Variants in FAT3 observed in about 807,000 individuals in gnomAD.
FAT3 encodes the protein FAT atypical cadherin 3, also known as protocadherin Fat 3.
In FAT3, 95 loss-of-function variants were observed where a neutral mutation model predicts 310.2. The ratio of observed to expected loss-of-function variants is 0.31; its 90% CI spans 0.26 to 0.36. The LOEUF (loss-of-function observed/expected upper bound fraction) is 0.36. FAT3 is among the 10% of genes least tolerant of loss of function. The probability of loss-of-function intolerance (pLI) is 1.00; values close to 1 mark genes in which losing one functional copy is unlikely to be tolerated. For synonymous variants in FAT3, 2,314 were observed against 2,192.9 expected (o/e 1.06, Z -1.54); for missense variants, 5,408 against 5,715.6 (o/e 0.95, Z 1.74).
At chr11:92,862,745 T>G (rs1949150967) in intron 21 of FAT3, among the ~76,000 whole-genome samples, 1 of 152,232 alleles carries the variant, frequency 6.6e-6, no homozygotes, top group African/African-American at 2.4e-5. Context: ...CTTAATTACA[T>G]TTTGTAGTAA....
At chr11:92,270,524 C>CAA (rs35629929) in intron 1 of FAT3, among the ~76,000 whole-genome samples, 5 of 136,012 alleles carry the variant, frequency 3.7e-5, no homozygotes, top group African/African-American at 8.0e-5. Context: ...AATAAAAATA[C>CAA]AAAAAAAAAA....
intron 2 of FAT3, among the ~76,000 whole-genome samples, chr11:92,522,373 G>A (rs973933081): frequency 1.3e-5 from 2 of 152,118 alleles, no homozygotes; most frequent in African/African-American, 4.8e-5. Context: ...AACCCTCAGA[G>A]CCCTCCTTCT....
In FAT3 at chr11:92,843,979, C is replaced by T. The variant is rs935630399; in HGVS notation, c.10612C>T (p.Arg3538Cys). ...CCAGCAAGTTTCTCACACTTACATC[C>T]GCGTGCGAGTCATTGAGGAAAGCAC... ...KPQQVSHTYI[R>C]VRVIEESTHK... Residue 3538 changes from arginine to cysteine, a missense_variant, in exon 19 of 28, where the codon CGC (arginine) becomes TGC (cysteine). By Grantham distance (180) the Arg-to-Cys change is radical. Coordinates refer to ENST00000525166, the MANE Select transcript of FAT3 (RefSeq NM_001367949.2). 1.2e-6 allele frequency: 2 copies of T among 1,612,986 alleles called. No individual in the cohort carries two copies. The highest frequency in any genetic ancestry group is 1.7e-6 in the Non-Finnish European group (2 of 1,179,298).
intron 6 of FAT3, among the ~76,000 whole-genome samples, chr11:92,765,521 C>T (rs1326942939): frequency 6.6e-6 from 1 of 151,746 alleles, no homozygotes; most frequent in Non-Finnish European, 1.5e-5. Context: ...CAAGCATGCT[C>T]GAGAGATGTT....
chr11:92,812,710 G>A (rs1947711873), intron 13 of FAT3, among the ~76,000 whole-genome samples: 1 of 152,118 alleles, frequency 6.6e-6, no homozygotes, highest in Non-Finnish European at 1.5e-5. Context: ...GCACTCAGAA[G>A]GCCCTGCAAT....
intron 22 of FAT3, among the ~76,000 whole-genome samples, chr11:92,870,867 C>T (rs1949369380): frequency 6.6e-6 from 1 of 152,308 alleles, no homozygotes; most frequent in East Asian, 1.9e-4. Context: ...CTTGAAAGTG[C>T]TTATGCCCTG....
chr11:92,866,871 G>T lies in FAT3; in HGVS notation c.11789G>T (p.Ser3930Ile). The T allele has an allele frequency of 1.2e-6, 2 of 1,613,994 alleles. No homozygotes were observed. The highest frequency in any genetic ancestry group is 1.7e-6 in the Non-Finnish European group (2 of 1,179,884). ...VFLELNRNFT[S>I]LSLDDSYVER... ...CTGGAGCTCAACCGCAATTTCACGA[G>T]CCTGTCCCTGGATGACAGCTACGTG... The change falls in exon 22 of 28, where the codon AGC becomes ATC. Residue 3930 changes from serine (S) to isoleucine (I), a missense_variant. Physicochemically the swap from Ser to Ile is moderately radical, Grantham distance 142. Coordinates refer to ENST00000525166, the MANE Select transcript of FAT3 (RefSeq NM_001367949.2).
At chr11:92,284,187 C>T (rs1946504580) in intron 1 of FAT3, among the ~76,000 whole-genome samples, 1 of 151,886 alleles carries the variant, frequency 6.6e-6, no homozygotes, top group African/African-American at 2.4e-5. Flanking sequence ...TTTGAGCTGA[C>T]TTGATGGTTG....
At chr11:92,366,700 T>C in intron 2 of FAT3, 1 of 536,220 alleles carries the variant, frequency 1.9e-6, no homozygotes, top group East Asian at 5.3e-5. Flanking sequence ...TTCCATGGGC[T>C]GCAATCAGTA....
intron 2 of FAT3, among the ~76,000 whole-genome samples, chr11:92,515,040 G>T (rs1953432419): frequency 6.6e-6 from 1 of 152,008 alleles, no homozygotes; most frequent in African/African-American, 2.4e-5. Context: ...TGTTCTTTGA[G>T]GTCTCTTCCA....
chr11:92,626,318 C>A (rs984468807), intron 3 of FAT3, among the ~76,000 whole-genome samples: 3 of 152,076 alleles, frequency 2.0e-5, no homozygotes, highest in African/African-American at 7.2e-5. Context: ...ATTTAATTCC[C>A]TGATTTAATC....
chr11:92,811,499 G>C (rs907586226), intron 13 of FAT3, among the ~76,000 whole-genome samples: 4 of 152,280 alleles, frequency 2.6e-5, no homozygotes, highest in Non-Finnish European at 5.9e-5. Context: ...GGGTGTTACT[G>C]ACTCACAGAC....
At position 92,883,512 on chromosome 11, in the gene FAT3, G is replaced by C; in HGVS notation, c.12937+119G>C. Reference sequence around the variant, plus strand: ...GCATGCAGAGCATTCGCTATGACATGTGCTGATGTCGAATGTGCACACCAG... The same window carrying C: ...GCATGCAGAGCATTCGCTATGACATCTGCTGATGTCGAATGTGCACACCAG... On this transcript the variant is annotated intron_variant, in intron 24 of 27. Transcript: ENST00000525166. This position sits in a 1 kb window ranked among gnomAD's most constrained non-coding sequence, Gnocchi z 4.2. 7.6e-7 allele frequency: 1 copy of C among 1,309,152 alleles called. No individual in the cohort carries two copies. The highest frequency in any genetic ancestry group is 1.0e-6 in the Non-Finnish European group (1 of 969,554). 81.1% of individuals were successfully genotyped at this position (1,309,152 alleles called of 1,614,324 possible).
At chr11:92,812,023 G>A (rs975349281) in intron 13 of FAT3, among the ~76,000 whole-genome samples, 5 of 152,194 alleles carry the variant, frequency 3.3e-5, no homozygotes, top group African/African-American at 9.7e-5. Context: ...GTAGACAGGA[G>A]ATTCCAGTTG....
chr11:92,341,431 A>G (rs541344299), intron 1 of FAT3, among the ~76,000 whole-genome samples: 1 of 152,274 alleles, frequency 6.6e-6, no homozygotes, highest in African/African-American at 2.4e-5. Flanking sequence ...GTGGGCTTAT[A>G]TGCACCAGTC....
At chr11:92,242,547 TG>T (rs1203161311) in intron 1 of FAT3, among the ~76,000 whole-genome samples, 1 of 151,978 alleles carries the variant, frequency 6.6e-6, no homozygotes, top group East Asian at 1.9e-4. Context: ...GGCAGCTTGC[TG>T]GGTGCTAGGA....
intron 4 of FAT3, among the ~76,000 whole-genome samples, chr11:92,737,376 TTC>T (rs1413048787): frequency 2.6e-5 from 4 of 152,162 alleles, no homozygotes; most frequent in African/African-American, 9.7e-5. Context: ...GAGAATTTTC[TTC>T]TATTATAAAG....
chr11:92,632,309 A>ATT (rs35955404), intron 3 of FAT3, among the ~76,000 whole-genome samples: 1 of 152,010 alleles, frequency 6.6e-6, no homozygotes, highest in South Asian at 2.1e-4. Context: ...GTCACTCAGT[A>ATT]TTTTTTATCT....
At chr11:92,478,451 C>T (rs190014962) in intron 2 of FAT3, among the ~76,000 whole-genome samples, 11 of 152,194 alleles carry the variant, frequency 7.2e-5, no homozygotes, top group African/African-American at 2.2e-4. Context: ...TTGGCCTTGG[C>T]GACTACCAAT....
Sources: allele counts gnomAD v4.1 joint callset (sites outside exome capture counted in the v4.1 genomes callset), GRCh38; gene constraint gnomAD v4.1.1; non-coding constraint Gnocchi (gnomAD v3.1); transcripts MANE v1.5; gene names NCBI Gene and HGNC (gene_info 2026-07-23, HGNC 2026-07-21).